RYR1: variants seen among roughly 807,000 people sequenced by gnomAD.
RYR1 encodes ryanodine receptor 1, also known as central core disease of muscle.
A neutral mutation model predicts 583.5 loss-of-function variants in RYR1; 342 were observed. That is an observed-to-expected ratio of 0.59 (90% confidence interval 0.54 to 0.64). RYR1 has a LOEUF of 0.64. Ranked by LOEUF, RYR1 falls within the 30% of genes least tolerant of loss-of-function variation. The pLI, the probability that RYR1 is intolerant of heterozygous loss-of-function variation, is 0.00. For synonymous variants in RYR1, 2,791 were observed against 2,822.5 expected, an observed-to-expected ratio of 0.99 and a Z score of 0.35; for missense variants, 6,032 against 6,917.2, an observed-to-expected ratio of 0.87 and a Z score of 4.54.
chr19:38,461,246 A>G (rs1438340578), intron 20 of RYR1, among the ~76,000 whole-genome samples: 1 of 152,210 alleles, frequency 6.6e-6, no homozygotes, highest in Non-Finnish European at 1.5e-5. Flanking sequence ...TAGTATGGGT[A>G]ACATAGTGAT....
intron 90 of RYR1, among the ~76,000 whole-genome samples, chr19:38,564,233 A>G (rs1973282640): frequency 6.6e-6 from 1 of 151,950 alleles, no homozygotes; most frequent in Non-Finnish European, 1.5e-5. Context: ...TTTTTTTTAG[A>G]AATTAGCAGG....
chr19:38,580,402 C>T lies in RYR1; in HGVS notation c.14544C>T (p.Val4848=), dbSNP rs1300663668. Residue 4848 remains valine (V), a synonymous_variant, in exon 101 of 106, where the codon GTC becomes GTT. Transcript: ENST00000359596. The part of the protein sequence containing the change: ...LVMTVGLLAV[V]VYLYTVVAFN... Reference sequence around the variant, plus strand: ...TGACCGTGGGCCTTCTGGCGGTGGTCGTCTACCTGTACACCGTGGTGGCCT... The same window carrying T: ...TGACCGTGGGCCTTCTGGCGGTGGTTGTCTACCTGTACACCGTGGTGGCCT... 5.0e-6 allele frequency: 8 copies of T among 1,613,978 alleles called. No individual in the cohort carries two copies. Among genetic ancestry groups the T allele is most frequent in the Admixed American group, 3.3e-5 (2 of 59,980 alleles).
At chr19:38,441,470 G>T (rs1951157308) in intron 2 of RYR1, among the ~76,000 whole-genome samples, 1 of 151,008 alleles carries the variant, frequency 6.6e-6, no homozygotes, top group Non-Finnish European at 1.5e-5. Flanking sequence ...GGGCTTGAGG[G>T]TCTTAGGTAG....
rs555177244 is a variant in RYR1 at position 38,457,118 on chromosome 19, T to C, written c.1792-379T>C. ...ACTTTTGCTCCAGCCTAATACATTT[T>C]CCACTTGGCCCCTAAAGACACAAGT... On this transcript the variant is annotated intron_variant, in intron 16 of 105. Transcript: ENST00000359596. 4.7e-4 allele frequency among the ~76,000 whole-genome samples: 70 copies of C among 149,542 alleles called. 1 individual carries two copies. Among genetic ancestry groups the C allele is most frequent in the Admixed American group, 1.1e-3 (17 of 14,980 alleles).
Position 38,585,982 on chromosome 19 carries a change from C to G in RYR1, c.14848C>G (p.Gln4950Glu). 1 of 1,613,914 alleles carries G rather than the reference C, an allele frequency of 6.2e-7. No homozygotes were observed. Among genetic ancestry groups the G allele is most frequent in the Non-Finnish European group, 8.5e-7 (1 of 1,179,984 alleles). ...TGGTGAGCTCCGAGACCAACAAGAGCAAGTGAAGGAGGATATGGAGGTAGG... is the reference window on the plus strand; with the variant it reads ...TGGTGAGCTCCGAGACCAACAAGAGGAAGTGAAGGAGGATATGGAGGTAGG... Reference protein sequence around the residue: ...AFGELRDQQEQVKEDMETKCF... With the variant: ...AFGELRDQQEEVKEDMETKCF... Residue 4950 changes from glutamine (Q) to glutamate (E), a missense_variant, in exon 103 of 106, where the codon CAA (glutamine) becomes GAA (glutamate). Physicochemically the swap from Gln to Glu is conservative, Grantham distance 29. This residue lies in a region of RYR1 where 189 missense variants were observed against 350.3 expected (regional missense o/e 0.54). Transcript: ENST00000359596.
chr19:38,535,302 C>T lies in RYR1; in HGVS notation c.11440-14C>T. 1.2e-6 allele frequency: 2 copies of T among 1,614,050 alleles called. No homozygotes were observed. The highest frequency in any genetic ancestry group is 1.7e-6 in the Non-Finnish European group (2 of 1,179,914). ...TGACTCCCAGTTTCTCCTCCCCTGC[C>T]TCGCCCTCTGCAGAAAATGCTGGAT... On this transcript the variant is annotated splice_polypyrimidine_tract_variant and intron_variant, in intron 80 of 105. Transcript: ENST00000359596.
Position 38,511,590 on chromosome 19 carries a change from G to A in RYR1, c.9152G>A (p.Arg3051His), listed in dbSNP as rs147303895. The A allele has an allele frequency of 1.1e-4, 173 of 1,613,708 alleles. 1 individual carries two copies. The highest frequency in any genetic ancestry group is 1.7e-5 in the Non-Finnish European group (20 of 1,180,002). Residue 3051 changes from arginine to histidine, a missense_variant, in exon 61 of 106, where the codon CGC becomes CAC. By Grantham distance (29) the Arg-to-His change is conservative. This residue lies in a region of RYR1 where 1,493 missense variants were observed against 1,715.5 expected (regional missense o/e 0.87). Transcript: ENST00000359596. Reference protein sequence around the residue: ...SLFCKLAALVRHRVSLFGTDA... With the variant: ...SLFCKLAALVHHRVSLFGTDA... ...TTCTGCAAACTTGCTGCTCTCGTCC[G>A]CCACCGAGTCTCTCTCTTTGGTAAG...
intron 100 of RYR1, 53 bp downstream of exon 100, chr19:38,580,181 G>C: frequency 6.2e-7 from 1 of 1,612,962 alleles, no homozygotes; most frequent in East Asian, 2.2e-5. Flanking sequence ...CAGCGTGGCA[G>C]TGGGTGGTGA....
Position 38,511,969 on chromosome 19 carries a change from G to A in RYR1, c.9173-103G>A, listed in dbSNP as rs373044908. The stretch of plus-strand genomic sequence containing the variant: ...GTGCAGTAGCATTCCAACTTAGCCC[G>A]CAGGTAGCCTCAGGAAGAGAGCGGT... On this transcript the variant is annotated intron_variant, in intron 61 of 105. Coordinates refer to ENST00000359596, the MANE Select transcript of RYR1 (RefSeq NM_000540.3). 79 of 1,353,964 alleles carry A rather than the reference G, an allele frequency of 5.8e-5. No individual in the cohort carries two copies. In the South Asian group the frequency reaches 6.1e-4, roughly 10 times the overall value. 83.9% of individuals were successfully genotyped at this position (1,353,964 alleles called of 1,614,324 possible). A position where few individuals can be genotyped will look rare whatever the true frequency, so the allele number is the denominator to read the frequency against.
intron 78 of RYR1, 152 bp downstream of exon 78, chr19:38,532,888 C>T (rs1224131446): frequency 2.6e-6 from 2 of 763,992 alleles, no homozygotes; most frequent in Admixed American, 2.2e-5. Context: ...ACCCGCCAAA[C>T]TAACACCACG....
Position 38,578,017 on chromosome 19 carries a change from A to T in RYR1, c.14272A>T (p.Lys4758Ter). ...TLEITAHNER[K>*]PNPPPGLLTW... ...AGAGATCACAGCCCACAATGAGCGC[A>T]AGCCCAACCCGCCGCCAGGGCTGCT... Residue 4758 changes from lysine to a stop codon, truncating the protein, a stop_gained, in exon 98 of 106, where the codon AAG (lysine) becomes TAG (stop). Transcript: ENST00000359596. LOFTEE classifies it high-confidence loss of function. 6.2e-7 allele frequency: 1 copy of T among 1,614,116 alleles called. No homozygotes were observed. The highest frequency in any genetic ancestry group is 8.5e-7 in the Non-Finnish European group (1 of 1,180,002).
chr19:38,449,348 T>C (rs908358383), intron 11 of RYR1, among the ~76,000 whole-genome samples: 1 of 152,126 alleles, frequency 6.6e-6, no homozygotes, highest in Admixed American at 6.5e-5. Flanking sequence ...TAATCCCAGC[T>C]ACTCAGGAGG....
intron 34 of RYR1, among the ~76,000 whole-genome samples, chr19:38,487,260 C>T (rs1969341738): frequency 6.6e-6 from 1 of 152,156 alleles, no homozygotes; most frequent in Non-Finnish European, 1.5e-5. Context: ...CTACCCGTTC[C>T]CTATCCTTCT....
At chr19:38,524,015 C>A in intron 70 of RYR1, 86 bp downstream of exon 70, 5 of 1,507,084 alleles carry the variant, frequency 3.3e-6, no homozygotes, top group Non-Finnish European at 4.5e-6. Context: ...CTCGAGAAAA[C>A]CCCTGCTTCT....
intron 78 of RYR1, 21 bp downstream of exon 78, chr19:38,532,757 C>G (rs752655618): frequency 1.2e-6 from 2 of 1,612,748 alleles, no homozygotes; most frequent in African/African-American, 2.7e-5. Flanking sequence ...TCAGGAGGTC[C>G]TGGAGGGAAG....
chr19:38,468,933 C>T (rs1600718574), intron 25 of RYR1, 33 bp from the exon 26 acceptor site: 2 of 1,611,002 alleles, frequency 1.2e-6, no homozygotes, highest in Non-Finnish European at 1.7e-6. Flanking sequence ...TGTGTGTCTC[C>T]CCACACCATG....
intron 103 of RYR1, 37 bp from the exon 104 acceptor site, chr19:38,586,054 A>C (rs759792393): frequency 6.8e-6 from 11 of 1,613,954 alleles, no homozygotes; most frequent in Admixed American, 1.7e-5. Context: ...CAGGGGGTCA[A>C]GTGGGCCTCC....
rs1969974003 is a variant in RYR1 at position 38,499,022 on chromosome 19, G to A, written c.6892-86G>A. On this transcript the variant is annotated intron_variant, in intron 42 of 105. Transcript: ENST00000359596. This position sits in a 1 kb window ranked among gnomAD's most constrained non-coding sequence, Gnocchi z 7.3. ...AGCTGAACCGGACTGAGGAGCCGCA[G>A]GGCAGGGCAGGGCAGGGCAGAGGGC... is the stretch of plus-strand genomic sequence containing the variant. The A allele has an allele frequency of 7.2e-7, 1 of 1,398,002 alleles. No individual in the cohort carries two copies. The highest frequency in any genetic ancestry group is 1.7e-5 in the African/African-American group (1 of 60,354). 86.6% of individuals were successfully genotyped at this position (1,398,002 alleles called of 1,614,324 possible).
chr19:38,523,251 A>C lies in RYR1; in HGVS notation c.10382A>C (p.Gln3461Pro). The change falls in exon 69 of 106, where the codon CAG (glutamine) becomes CCG (proline). Residue 3461 changes from glutamine (Q) to proline (P), a missense_variant. Gln to Pro is a moderately conservative substitution (Grantham distance 76, BLOSUM62 -1). Around this residue, in one of 11 missense-constraint regions of RYR1, gnomAD observed 1,493 missense variants for 1,715.5 expected, o/e 0.87. Coordinates refer to ENST00000359596, the MANE Select transcript of RYR1 (RefSeq NM_000540.3). Reference protein sequence around the residue: ...FKREEQNFVVQNEINNMSFLT... With the variant: ...FKREEQNFVVPNEINNMSFLT... The stretch of plus-strand genomic sequence containing the variant: ...CGCGAGGAGCAGAACTTTGTGGTCC[A>C]GAATGAGATCAACAACATGTCCTTC... 6.2e-7 allele frequency: 1 copy of C among 1,614,222 alleles called. No homozygotes were observed.
Sources: gnomAD v4.1 joint callset for allele counts (sites outside exome capture counted in the v4.1 genomes callset) on GRCh38, gnomAD v4.1.1 for gene constraint, gnomAD v4.1.1 regional missense constraint, Gnocchi (gnomAD v3.1) non-coding constraint, MANE v1.5 for transcripts, NCBI Gene and HGNC (gene_info 2026-07-23, HGNC 2026-07-21) for gene names.